The following RARB variants were observed in gnomAD, a reference collection of about 807,000 sequenced individuals.
RARB encodes HBV-activated protein.
RARB carries 17 observed loss-of-function variants against 51.9 expected under a neutral mutation model. The observed-to-expected ratio is 0.33, with a 90% CI of 0.22 to 0.49. RARB has a LOEUF of 0.49. Ranked by LOEUF, RARB falls within the 20% of genes least tolerant of loss-of-function variation. RARB has a pLI of 0.99. For missense variants in RARB, 369 were observed against 550.8 expected (o/e 0.67, Z 3.30); for synonymous variants, 215 against 195.4 (o/e 1.10, Z -0.84).
intron 2 of RARB, among the ~76,000 whole-genome samples, chr3:25,500,407 A>C (rs1407677704): frequency 6.7e-6 from 1 of 149,992 alleles, no homozygotes; most frequent in Non-Finnish European, 1.5e-5. Context: ...CCTTTGAAAA[A>C]ACTAACTCTT....
chr3:24,929,120 A>G (rs1695388563), intron 2 of RARB, among the ~76,000 whole-genome samples: 1 of 152,078 alleles, frequency 6.6e-6, no homozygotes, highest in South Asian at 2.1e-4. Flanking sequence ...TACCCTGCCC[A>G]ATTTTTAACA....
At chr3:24,883,034 A>T (rs1703199071) in intron 2 of RARB, among the ~76,000 whole-genome samples, 1 of 152,180 alleles carries the variant, frequency 6.6e-6, no homozygotes, top group South Asian at 2.1e-4. Context: ...GAAGCTGAAC[A>T]TGTCAAACGG....
intron 2 of RARB, among the ~76,000 whole-genome samples, chr3:25,017,688 G>A (rs1697542336): frequency 1.3e-5 from 2 of 152,138 alleles, no homozygotes; most frequent in South Asian, 4.1e-4. Context: ...AGACTAAAAG[G>A]AACTTTTAAT....
intron 4 of RARB, among the ~76,000 whole-genome samples, chr3:25,148,940 C>CCTCT (rs1700238129): frequency 1.1e-5 from 1 of 89,022 alleles, no homozygotes; most frequent in Admixed American, 1.4e-4. Context: ...TTCAAACATT[C>CCTCT]CTCTCTCTGG....
intron 5 of RARB, among the ~76,000 whole-genome samples, chr3:25,404,794 T>A (rs187565837): frequency 2.0e-5 from 3 of 152,358 alleles, no homozygotes; most frequent in Admixed American, 2.0e-4. Flanking sequence ...TTTTGTGGTT[T>A]CTGTTCTGAA....
intron 5 of RARB, among the ~76,000 whole-genome samples, chr3:25,226,535 C>A (rs550706347): frequency 6.6e-6 from 1 of 152,256 alleles, no homozygotes; most frequent in Admixed American, 6.5e-5. Context: ...AACCTACAAA[C>A]CTGCCAATCC....
chr3:24,900,278 T>A (rs1341465275), intron 2 of RARB, among the ~76,000 whole-genome samples: 1 of 145,022 alleles, frequency 6.9e-6, no homozygotes, highest in Admixed American at 6.7e-5. Context: ...GGAATTGTTT[T>A]TCCTTTGTAA....
intron 2 of RARB, among the ~76,000 whole-genome samples, chr3:24,937,942 C>T (rs1194285186): frequency 6.6e-6 from 1 of 152,116 alleles, no homozygotes; most frequent in Non-Finnish European, 1.5e-5. Context: ...GAGGAGACCG[C>T]ACATGAGAAG....
intron 5 of RARB, chr3:25,260,048 G>A (rs1361007464): frequency 5.2e-6 from 5 of 954,080 alleles, no homozygotes; most frequent in Non-Finnish European, 5.0e-6. Context: ...CATGGTGTGA[G>A]TTCGTGTGTG....
intron 3 of RARB, among the ~76,000 whole-genome samples, chr3:25,545,778 G>A (rs1699593701): frequency 6.6e-6 from 1 of 152,134 alleles, no homozygotes; most frequent in Non-Finnish European, 1.5e-5. Flanking sequence ...ATTTATGAAA[G>A]GCTGAGGATG....
chr3:24,851,729 G>T (rs570144754), intron 1 of RARB, among the ~76,000 whole-genome samples: 1 of 152,292 alleles, frequency 6.6e-6, no homozygotes, highest in South Asian at 2.1e-4. Flanking sequence ...TATGAAGTAT[G>T]TTTCATTTGA....
At chr3:25,295,553 T>C (rs894615933) in intron 5 of RARB, among the ~76,000 whole-genome samples, 2 of 152,192 alleles carry the variant, frequency 1.3e-5, no homozygotes, top group Non-Finnish European at 2.9e-5. Context: ...AACTAAGACA[T>C]TAACCTCTCT....
intron 4 of RARB, among the ~76,000 whole-genome samples, chr3:25,576,473 G>A (rs1482576536): frequency 6.6e-6 from 1 of 152,020 alleles, no homozygotes; most frequent in East Asian, 1.9e-4. Flanking sequence ...CCCCACCCCT[G>A]CACTCGACCA....
intron 5 of RARB, among the ~76,000 whole-genome samples, chr3:25,275,375 C>T (rs1220159079): frequency 3.9e-5 from 6 of 152,074 alleles, no homozygotes; most frequent in African/African-American, 1.2e-4. Context: ...GTGGGAGGAT[C>T]GAGTGAGCCT....
chr3:25,413,871 A>G (rs561056249), intron 5 of RARB, among the ~76,000 whole-genome samples: 11 of 152,298 alleles, frequency 7.2e-5, no homozygotes, highest in African/African-American at 2.6e-4. Context: ...ATTTTGCTCA[A>G]TACTATTTTC....
At chr3:25,270,793 G>A (rs1251883330) in intron 5 of RARB, among the ~76,000 whole-genome samples, 1 of 152,234 alleles carries the variant, frequency 6.6e-6, no homozygotes, top group African/African-American at 2.4e-5. Context: ...GTGGTGTGGT[G>A]TTTAAGGTTG....
chr3:24,987,382 CA>C (rs2125431776), intron 2 of RARB, among the ~76,000 whole-genome samples: 1 of 152,186 alleles, frequency 6.6e-6, no homozygotes, highest in East Asian at 1.9e-4. Context: ...AAGAGAGCAG[CA>C]AAGAAGAAAG....
At chr3:25,594,763 G>A in intron 7 of RARB, 85 bp downstream of exon 7, 1 of 1,169,280 alleles carries the variant, frequency 8.6e-7, no homozygotes, top group South Asian at 2.7e-5. Context: ...AATTCAGGAT[G>A]TTTAATGGCT....
At chr3:25,205,517 C>T (rs969291190) in intron 5 of RARB, among the ~76,000 whole-genome samples, 1 of 152,120 alleles carries the variant, frequency 6.6e-6, no homozygotes, top group Non-Finnish European at 1.5e-5. Context: ...CTGCGTTGCT[C>T]ACTCTGGGAG....
Sources: allele counts gnomAD v4.1 joint callset (sites outside exome capture counted in the v4.1 genomes callset), GRCh38; gene constraint gnomAD v4.1.1; transcripts MANE v1.5; gene names NCBI Gene and HGNC (gene_info 2026-07-23, HGNC 2026-07-21).